XKR4: variants seen among roughly 807,000 people sequenced by gnomAD.
XKR4 encodes the protein XK-related protein 4.
Under a neutral mutation model 53.9 loss-of-function variants are expected in XKR4, and 12 were observed. That is an observed-to-expected ratio of 0.22 (90% CI 0.14 to 0.36). The LOEUF (loss-of-function observed/expected upper bound fraction) is 0.36. Ranked by LOEUF, XKR4 falls within the 10% of genes least tolerant of loss-of-function variation. The probability of loss-of-function intolerance (pLI) is 1.00; values close to 1 mark genes in which losing one functional copy is unlikely to be tolerated. For synonymous variants in XKR4, 354 were observed against 362.4 expected, an observed-to-expected ratio of 0.98 and a Z score of 0.26; for missense variants, 799 against 859.5, an observed-to-expected ratio of 0.93 and a Z score of 0.88.
intron 1 of XKR4, among the ~76,000 whole-genome samples, chr8:55,304,815 C>A (rs1316634634): frequency 1.3e-5 from 2 of 152,196 alleles, no homozygotes; most frequent in African/African-American, 4.8e-5. Flanking sequence ...ACTAGGATTG[C>A]AACCCCTGCC....
intron 1 of XKR4, among the ~76,000 whole-genome samples, chr8:55,224,085 A>T (rs1196906451): frequency 6.6e-6 from 1 of 152,096 alleles, no homozygotes; most frequent in East Asian, 1.9e-4. Flanking sequence ...AAATATATAC[A>T]TCTGCTTTTT....
chr8:55,304,458 A>G (rs1819260830), intron 1 of XKR4, among the ~76,000 whole-genome samples: 1 of 152,180 alleles, frequency 6.6e-6, no homozygotes, highest in African/African-American at 2.4e-5. Flanking sequence ...TGGTGCTGAG[A>G]AGAATGTATA....
At chr8:55,211,701 C>A (rs556679137) in intron 1 of XKR4, among the ~76,000 whole-genome samples, 120 of 152,214 alleles carry the variant, frequency 7.9e-4, no homozygotes, top group Middle Eastern at 3.4e-3. Flanking sequence ...GTATATCCTG[C>A]CCAAATACTA....
At chr8:55,446,111 T>C (rs1805342613) in intron 2 of XKR4, among the ~76,000 whole-genome samples, 1 of 152,176 alleles carries the variant, frequency 6.6e-6, no homozygotes, top group Non-Finnish European at 1.5e-5. Flanking sequence ...TCCACTCCAA[T>C]ACTTAGCTCA....
intron 1 of XKR4, among the ~76,000 whole-genome samples, chr8:55,241,152 T>A (rs1485748380): frequency 1.3e-5 from 2 of 152,254 alleles, no homozygotes; most frequent in Non-Finnish European, 2.9e-5. Context: ...GTAGATTTTT[T>A]ATTCCTAGCC....
At chr8:55,272,458 TCA>T (rs1416895012) in intron 1 of XKR4, among the ~76,000 whole-genome samples, 1 of 152,156 alleles carries the variant, frequency 6.6e-6, no homozygotes, top group Non-Finnish European at 1.5e-5. Context: ...CCTCCATTTG[TCA>T]CAGAGCAAAT....
intron 2 of XKR4, among the ~76,000 whole-genome samples, chr8:55,389,769 A>T (rs955751385): frequency 2.6e-5 from 4 of 152,174 alleles, no homozygotes; most frequent in African/African-American, 7.2e-5. Context: ...AATGAAGTGA[A>T]GTTATAAGCC....
intron 1 of XKR4, among the ~76,000 whole-genome samples, chr8:55,163,003 T>G (rs1464154430): frequency 6.6e-6 from 1 of 152,228 alleles, no homozygotes; most frequent in Admixed American, 6.5e-5. Flanking sequence ...TTTACATTTT[T>G]TATTAATGTC....
intron 2 of XKR4, among the ~76,000 whole-genome samples, chr8:55,506,710 T>C (rs943690312): frequency 6.6e-5 from 10 of 152,216 alleles, no homozygotes; most frequent in African/African-American, 1.2e-4. Flanking sequence ...TCTGCCCTCA[T>C]TGTGTTTCAA....
intron 1 of XKR4, among the ~76,000 whole-genome samples, chr8:55,291,297 C>T (rs1329754496): frequency 6.6e-6 from 1 of 152,170 alleles, no homozygotes; most frequent in African/African-American, 2.4e-5. Flanking sequence ...ATTGTGTGGA[C>T]TGATTCTTCT....
chr8:55,317,489 A>G (rs906689989), intron 1 of XKR4, among the ~76,000 whole-genome samples: 6 of 152,240 alleles, frequency 3.9e-5, no homozygotes, highest in Non-Finnish European at 7.3e-5. Context: ...AAAATAACTC[A>G]TACTGCATCT....
chr8:55,298,792 A>G (rs1187109037), intron 1 of XKR4, among the ~76,000 whole-genome samples: 2 of 152,184 alleles, frequency 1.3e-5, no homozygotes, highest in African/African-American at 4.8e-5. Context: ...ATAAACATAT[A>G]TATGTCATGC....
intron 1 of XKR4, among the ~76,000 whole-genome samples, chr8:55,277,157 T>A (rs1271201448): frequency 6.6e-6 from 1 of 152,218 alleles, no homozygotes; most frequent in Non-Finnish European, 1.5e-5. Context: ...AGGCTCCCAC[T>A]GAGGTCAATA....
chr8:55,331,029 T>C (rs1018034337), intron 1 of XKR4, among the ~76,000 whole-genome samples: 3 of 152,192 alleles, frequency 2.0e-5, no homozygotes, highest in Non-Finnish European at 4.4e-5. Context: ...TGCTATTAAG[T>C]ATATTCACAC....
chr8:55,507,617 C>A (rs889729900), intron 2 of XKR4, among the ~76,000 whole-genome samples: 1 of 152,026 alleles, frequency 6.6e-6, no homozygotes, highest in Non-Finnish European at 1.5e-5. Flanking sequence ...TTTGTCCTTG[C>A]GATAGTTTGC....
intron 2 of XKR4, among the ~76,000 whole-genome samples, chr8:55,465,779 C>G (rs941734675): frequency 7.2e-5 from 11 of 151,928 alleles, no homozygotes; most frequent in African/African-American, 2.7e-4. Flanking sequence ...TGAACTCAAA[C>G]AAATTTACAA....
intron 2 of XKR4, among the ~76,000 whole-genome samples, chr8:55,475,778 T>C (rs1325738359): frequency 2.0e-5 from 3 of 151,998 alleles, no homozygotes; most frequent in South Asian, 2.1e-4. Context: ...AATTTTTGTA[T>C]TTTTAGTAGA....
At chr8:55,439,379 T>C (rs1294217905) in intron 2 of XKR4, among the ~76,000 whole-genome samples, 4 of 94,622 alleles carry the variant, frequency 4.2e-5, no homozygotes, top group East Asian at 2.3e-4. Flanking sequence ...CAAAATTCTC[T>C]AAAGGGAACA....
chr8:55,239,593 C>G (rs1475558036), intron 1 of XKR4, among the ~76,000 whole-genome samples: 1 of 152,140 alleles, frequency 6.6e-6, no homozygotes, highest in Admixed American at 6.6e-5. Context: ...TTCCTCTTCC[C>G]CTCTCAGCCT....
Sources: gnomAD v4.1 joint callset for allele counts (sites outside exome capture counted in the v4.1 genomes callset) on GRCh38, gnomAD v4.1.1 for gene constraint, MANE v1.5 for transcripts, NCBI Gene and HGNC (gene_info 2026-07-23, HGNC 2026-07-21) for gene names.